The following STPG4 variants were observed in gnomAD, a reference collection of about 807,000 sequenced individuals.
STPG4 encodes sperm-tail PG-rich repeat containing 4, also known as protein STPG4.
Under a neutral mutation model 31.5 loss-of-function variants are expected in STPG4, and 41 were observed. That is an observed-to-expected ratio of 1.30 (90% CI 1.01 to 1.69). The LOEUF is 1.69. Among genes scored for constraint, STPG4 ranks in the 40% most tolerant of loss-of-function variants. The probability of loss-of-function intolerance (pLI) is 0.00; values close to 1 mark genes in which losing one functional copy is unlikely to be tolerated. For synonymous variants in STPG4, 141 were observed against 103.0 expected, an observed-to-expected ratio of 1.37 and a Z score of -2.24; for missense variants, 375 against 293.4, an observed-to-expected ratio of 1.28 and a Z score of -2.03.
intron 3 of STPG4, among the ~76,000 whole-genome samples, chr2:47,133,229 G>A (rs1047663878): frequency 2.0e-5 from 3 of 151,550 alleles, no homozygotes; most frequent in Non-Finnish European, 4.4e-5. Flanking sequence ...ATGCAGTGGC[G>A]CAACCATAGC....
intron 5 of STPG4, among the ~76,000 whole-genome samples, chr2:47,122,608 T>TAAAAATCTTGTATTAATAA (rs982864771): frequency 6.6e-6 from 1 of 152,126 alleles, no homozygotes; most frequent in Non-Finnish European, 1.5e-5. Context: ...TTATCAAATA[T>TAAAAATCTTGTATTAATAA]AAAAATCTTG....
intron 5 of STPG4, among the ~76,000 whole-genome samples, chr2:47,093,665 C>T (rs1227450522): frequency 6.6e-6 from 1 of 152,232 alleles, no homozygotes; most frequent in Non-Finnish European, 1.5e-5. Context: ...GCTGATGAAG[C>T]ATGATGCATG....
chr2:47,122,793 T>C (rs1284949459), intron 5 of STPG4, among the ~76,000 whole-genome samples: 1 of 147,414 alleles, frequency 6.8e-6, no homozygotes, highest in Non-Finnish European at 1.5e-5. Context: ...TTATATTTTA[T>C]TTCTGTTTTT....
At chr2:47,120,940 G>C (rs188412445) in intron 5 of STPG4, 1 of 152,486 alleles carries the variant, frequency 6.6e-6, no homozygotes, top group African/African-American at 2.4e-5. Flanking sequence ...AGCCAAGAGA[G>C]AGACAGCAGT....
intron 3 of STPG4, among the ~76,000 whole-genome samples, chr2:47,132,972 A>T (rs184591373): frequency 1.2e-3 from 182 of 152,240 alleles, no homozygotes; most frequent in African/African-American, 4.2e-3. Context: ...TATTTGTCCT[A>T]CTATACTTGG....
chr2:47,151,174 A>C, intron 3 of STPG4, 84 bp downstream of exon 3: 1 of 1,481,360 alleles, frequency 6.8e-7, no homozygotes, highest in Non-Finnish European at 9.2e-7. Context: ...TCCTGGGGGA[A>C]GATATACTCT....
At chr2:47,125,997 A>G (rs1686358745) in intron 5 of STPG4, among the ~76,000 whole-genome samples, 1 of 152,074 alleles carries the variant, frequency 6.6e-6, no homozygotes, top group Non-Finnish European at 1.5e-5. Flanking sequence ...CCCAATGTGT[A>G]TTCTTGGCAC....
At chr2:47,142,245 C>G (rs1263165303) in intron 3 of STPG4, among the ~76,000 whole-genome samples, 1 of 135,502 alleles carries the variant, frequency 7.4e-6, no homozygotes, top group Admixed American at 8.3e-5. Flanking sequence ...TAATGGGGCG[C>G]CTTTCTAGCC....
intron 3 of STPG4, among the ~76,000 whole-genome samples, chr2:47,145,914 T>C (rs1686811307): frequency 6.6e-6 from 1 of 152,146 alleles, no homozygotes; most frequent in South Asian, 2.1e-4. Flanking sequence ...AAGCGTTGAA[T>C]AGTAAATTTA....
chr2:47,123,453 G>A (rs1462812824), intron 5 of STPG4, among the ~76,000 whole-genome samples: 1 of 152,054 alleles, frequency 6.6e-6, no homozygotes, highest in Non-Finnish European at 1.5e-5. Context: ...GTTCTAGTGA[G>A]GGGGAAAGAT....
intron 3 of STPG4, among the ~76,000 whole-genome samples, chr2:47,149,015 C>A (rs1686883519): frequency 6.6e-6 from 1 of 152,114 alleles, no homozygotes; most frequent in Non-Finnish European, 1.5e-5. Flanking sequence ...CTATATCTAC[C>A]CCAAATTCAA....
intron 5 of STPG4, among the ~76,000 whole-genome samples, chr2:47,127,908 G>A (rs925567788): frequency 4.6e-5 from 7 of 152,190 alleles, no homozygotes; most frequent in African/African-American, 1.4e-4. Flanking sequence ...GTTTGCCGAT[G>A]TCTGGGCATT....
chr2:47,135,230 C>T (rs1686572596), intron 3 of STPG4, among the ~76,000 whole-genome samples: 1 of 152,140 alleles, frequency 6.6e-6, no homozygotes, highest in Non-Finnish European at 1.5e-5. Flanking sequence ...TTTCATGGAT[C>T]ATGCTTTTGG....
intron 5 of STPG4, among the ~76,000 whole-genome samples, chr2:47,124,492 T>C (rs1176489849): frequency 6.6e-6 from 1 of 152,200 alleles, no homozygotes; most frequent in Non-Finnish European, 1.5e-5. Flanking sequence ...ATTAATAATT[T>C]TTAGCTCCTA....
At chr2:47,106,907 G>C (rs1405717253) in intron 5 of STPG4, among the ~76,000 whole-genome samples, 1 of 151,928 alleles carries the variant, frequency 6.6e-6, no homozygotes, top group African/African-American at 2.4e-5. Flanking sequence ...CCCCAAATGA[G>C]TTAAACTAAC....
At chr2:47,115,429 A>AT (rs553931067) in intron 5 of STPG4, among the ~76,000 whole-genome samples, 10 of 151,976 alleles carry the variant, frequency 6.6e-5, no homozygotes, top group African/African-American at 2.4e-4. Flanking sequence ...TTGGGAGGTA[A>AT]TTTTTATGAG....
At chr2:47,128,285 G>A (rs1262952723) in intron 5 of STPG4, among the ~76,000 whole-genome samples, 1 of 152,148 alleles carries the variant, frequency 6.6e-6, no homozygotes, top group Non-Finnish European at 1.5e-5. Context: ...GGACTGCACT[G>A]GGTCAGAGCC....
At chr2:47,094,632 T>C (rs889583281) in intron 5 of STPG4, among the ~76,000 whole-genome samples, 3 of 152,040 alleles carry the variant, frequency 2.0e-5, no homozygotes, top group Non-Finnish European at 4.4e-5. Flanking sequence ...TAGGAGGGGC[T>C]GGGGTGGTGC....
rs77526724 is a variant in STPG4, at chr2:47,136,543, G to A, written c.400-6283C>T. ...TTTATACCTAAGTATGTCATCTTTC[G>A]GCGTCCTAATGTGAAGTCATTATAT... is the stretch of plus-strand genomic sequence containing the variant. On this transcript the variant is annotated intron_variant, in intron 3 of 6. Coordinates refer to ENST00000445927, the MANE Select transcript of STPG4 (RefSeq NM_001163561.2). Among the ~76,000 whole-genome samples, 1,517 of 152,140 alleles carry A rather than the reference G, an allele frequency of 1.0e-2. 15 individuals are homozygous for A. The highest frequency in any genetic ancestry group is 0.017 in the Non-Finnish European group (1,129 of 68,012).
Sources: gnomAD v4.1 joint callset for allele counts (sites outside exome capture counted in the v4.1 genomes callset) on GRCh38, gnomAD v4.1.1 for gene constraint, MANE v1.5 for transcripts, NCBI Gene and HGNC (gene_info 2026-07-23, HGNC 2026-07-21) for gene names.